Variants in SCEL observed in about 807,000 individuals in gnomAD.
The protein encoded by SCEL is sciellin.
In SCEL, 113 loss-of-function variants were observed where a neutral mutation model predicts 117.6. The observed-to-expected ratio is 0.96, with a 90% CI of 0.83 to 1.12. SCEL has a LOEUF of 1.12. SCEL is among the 50% of genes most tolerant of loss of function. The pLI is 0.00. For synonymous variants in SCEL, 270 were observed against 256.2 expected (o/e 1.05, Z -0.51); for missense variants, 785 against 810.8 (o/e 0.97, Z 0.39).
In SCEL at chr13:77,602,060, T is replaced by TA. The variant is rs1425366138; in HGVS notation, c.918-2dup. The TA allele has an allele frequency of 6.8e-6, 11 of 1,606,520 alleles. No individual in the cohort carries two copies. Among genetic ancestry groups the TA allele is most frequent in the Admixed American group, 1.7e-5 (1 of 58,670 alleles). ...TTCTCTTTCTTTTCCCCCAATGTTG[T>TA]AAAGAATCCAAAGCCTTGGAAGTCC... On this transcript the variant is annotated splice_region_variant and splice_polypyrimidine_tract_variant and intron_variant, in intron 15 of 32. Coordinates refer to ENST00000349847, the MANE Select transcript of SCEL (RefSeq NM_144777.3).
intron 4 of SCEL, among the ~76,000 whole-genome samples, chr13:77,561,865 G>T (rs1480844144): frequency 1.3e-5 from 2 of 152,148 alleles, no homozygotes; most frequent in East Asian, 3.9e-4. Flanking sequence ...GGCAAGGCTG[G>T]CTGGTGGGCA....
chr13:77,575,833 T>C (rs987981843), intron 9 of SCEL, among the ~76,000 whole-genome samples: 4 of 152,240 alleles, frequency 2.6e-5, no homozygotes, highest in Admixed American at 2.0e-4. Flanking sequence ...TTTTGAATTA[T>C]CAAGATATGC....
chr13:77,627,744 T>A lies in SCEL; in HGVS notation c.1629-203T>A, dbSNP rs532369459. 3.9e-5 allele frequency among the ~76,000 whole-genome samples: 6 copies of A among 152,218 alleles called. No individual in the cohort carries two copies. In the East Asian group the frequency reaches 1.2e-3, roughly 29 times the overall value. On this transcript the variant is annotated intron_variant, in intron 27 of 32. Coordinates refer to ENST00000349847, the MANE Select transcript of SCEL (RefSeq NM_144777.3). ...AAAAAGTTAGTTCTTTATTTCTCTTTCACAATGTAATCCATACTTCCATGT... is the reference window on the plus strand; with the variant it reads ...AAAAAGTTAGTTCTTTATTTCTCTTACACAATGTAATCCATACTTCCATGT...
chr13:77,591,423 T>A lies in SCEL; in HGVS notation c.655T>A (p.Tyr219Asn), dbSNP rs1273136703. The A allele has an allele frequency of 1.3e-6, 2 of 1,589,052 alleles. No homozygotes were observed. The highest frequency in any genetic ancestry group is 2.2e-5 in the East Asian group (1 of 44,644). Residue 219 changes from tyrosine to asparagine, a missense_variant, in exon 11 of 33, where the codon TAT becomes AAT. Coordinates refer to ENST00000349847, the MANE Select transcript of SCEL (RefSeq NM_144777.3). ...GATACATCCACCTAAACCAGGTGTA[T>A]ATACAGAAACCAACAGATCTGCTGA... ...RQIHPPKPGV[Y>N]TETNRSAERN...
At chr13:77,603,763 T>C (rs1328698384) in intron 18 of SCEL, among the ~76,000 whole-genome samples, 1 of 152,192 alleles carries the variant, frequency 6.6e-6, no homozygotes, top group Non-Finnish European at 1.5e-5. Context: ...GTGAGCTGTT[T>C]TTTCTTGCCC....
At chr13:77,620,415 A>G (rs1427224311) in intron 27 of SCEL, among the ~76,000 whole-genome samples, 1 of 152,174 alleles carries the variant, frequency 6.6e-6, no homozygotes, top group Non-Finnish European at 1.5e-5. Context: ...TGATTATTTA[A>G]TAGTATAACA....
At chr13:77,544,371 T>C (rs952756393) in intron 1 of SCEL, among the ~76,000 whole-genome samples, 5 of 152,036 alleles carry the variant, frequency 3.3e-5, no homozygotes, top group Admixed American at 6.6e-5. Context: ...TAGCAGGGAG[T>C]GGTAAAGACT....
At chr13:77,545,680 C>T (rs1004847992) in intron 1 of SCEL, among the ~76,000 whole-genome samples, 3 of 152,134 alleles carry the variant, frequency 2.0e-5, no homozygotes, top group Non-Finnish European at 4.4e-5. Context: ...TCTGGGGCCA[C>T]CCAAAGAGGG....
chr13:77,580,933 A>G (rs932415801), intron 9 of SCEL, among the ~76,000 whole-genome samples: 1 of 152,092 alleles, frequency 6.6e-6, no homozygotes, highest in Non-Finnish European at 1.5e-5. Flanking sequence ...GAGGAGGAAA[A>G]AAATATCCTG....
intron 9 of SCEL, among the ~76,000 whole-genome samples, chr13:77,574,715 ATATC>A (rs1444579359): frequency 6.6e-6 from 1 of 152,216 alleles, no homozygotes; most frequent in African/African-American, 2.4e-5. Context: ...CTTCACAAAG[ATATC>A]TTTGTTCCCA....
chr13:77,559,672 G>C (rs1567349245), intron 3 of SCEL, 132 bp from the exon 4 acceptor site: 2 of 673,584 alleles, frequency 3.0e-6, no homozygotes, highest in East Asian at 5.2e-5. Flanking sequence ...ATAATTTTGT[G>C]TTCTCACAAC....
chr13:77,590,760 A>G (rs1302911836), intron 10 of SCEL, among the ~76,000 whole-genome samples: 1 of 152,138 alleles, frequency 6.6e-6, no homozygotes. Flanking sequence ...TTTCCTATGT[A>G]ATTAACACAT....
chr13:77,583,579 A>G (rs1304878716), intron 9 of SCEL, among the ~76,000 whole-genome samples: 2 of 152,196 alleles, frequency 1.3e-5, no homozygotes. Flanking sequence ...AATATTTCAG[A>G]TCAACCAATT....
At chr13:77,549,134 C>T (rs2084159071) in intron 1 of SCEL, among the ~76,000 whole-genome samples, 1 of 152,180 alleles carries the variant, frequency 6.6e-6, no homozygotes, top group Non-Finnish European at 1.5e-5. Flanking sequence ...GAGAAATGTT[C>T]ATACTCTTTT....
intron 1 of SCEL, among the ~76,000 whole-genome samples, chr13:77,549,688 A>G (rs571619264): frequency 7.2e-5 from 11 of 152,216 alleles, no homozygotes; most frequent in Non-Finnish European, 1.3e-4. Flanking sequence ...TGAGTTCCAC[A>G]GAAGCCTAGG....
Position 77,607,913 on chromosome 13 carries a change from A to G in SCEL, c.1158-143A>G. On this transcript the variant is annotated intron_variant, in intron 19 of 32. Transcript: ENST00000349847. ...TATTTCTGCATAGTCACCTTTCACA[A>G]TCTTCAGTCTTCAACTCCTTGGCAT... 2.0e-5 allele frequency: 11 copies of G among 554,860 alleles called. No individual in the cohort carries two copies. The South Asian group carries it at 2.9e-4, about 15-fold the overall frequency. 34.4% of individuals were successfully genotyped at this position (554,860 alleles called of 1,614,324 possible).
intron 4 of SCEL, 23 bp downstream of exon 4, chr13:77,559,886 T>C: frequency 6.3e-7 from 1 of 1,597,292 alleles, no homozygotes; most frequent in Non-Finnish European, 8.6e-7. Context: ...ACATGTTACA[T>C]CATGAGCAGA....
intron 30 of SCEL, among the ~76,000 whole-genome samples, chr13:77,638,791 G>A (rs929970569): frequency 1.3e-5 from 2 of 152,092 alleles, no homozygotes; most frequent in African/African-American, 4.8e-5. Flanking sequence ...AATATTCACT[G>A]ATGCTGAATC....
intron 28 of SCEL, among the ~76,000 whole-genome samples, chr13:77,633,612 G>A (rs1029796530): frequency 1.3e-5 from 2 of 151,994 alleles, no homozygotes; most frequent in African/African-American, 4.8e-5. Flanking sequence ...CAAGTCAATG[G>A]GTTCACCAAT....
Sources: gnomAD v4.1 joint callset for allele counts (sites outside exome capture counted in the v4.1 genomes callset) on GRCh38, gnomAD v4.1.1 for gene constraint, MANE v1.5 for transcripts, NCBI Gene and HGNC (gene_info 2026-07-23, HGNC 2026-07-21) for gene names.